Variants in SLC39A14 observed in about 807,000 individuals in gnomAD.
SLC39A14 encodes metal cation symporter ZIP14.
Under a neutral mutation model 45.5 loss-of-function variants are expected in SLC39A14, and 19 were observed. The ratio of observed to expected loss-of-function variants is 0.42; its 90% CI spans 0.29 to 0.61. The LOEUF (loss-of-function observed/expected upper bound fraction) is 0.61, where lower values mean the gene tolerates loss of function less well. SLC39A14 is among the 20% of genes least tolerant of loss of function. SLC39A14 has a pLI of 0.22. For missense variants in SLC39A14, 447 were observed against 616.5 expected (o/e 0.73, Z 2.91); for synonymous variants, 264 against 251.3 (o/e 1.05, Z -0.48).
intron 1 of SLC39A14, among the ~76,000 whole-genome samples, chr8:22,375,482 T>C (rs1833165208): frequency 6.6e-6 from 1 of 151,686 alleles, no homozygotes; most frequent in African/African-American, 2.4e-5. Context: ...TTCTGCCTTA[T>C]GGCTGTATCT....
chr8:22,377,346 T>C (rs1833272148), intron 1 of SLC39A14, among the ~76,000 whole-genome samples: 1 of 152,154 alleles, frequency 6.6e-6, no homozygotes, highest in Admixed American at 6.5e-5. Context: ...GTAACTTCGC[T>C]GCCCCAGCCC....
At position 22,391,634 on chromosome 8, in the gene SLC39A14, G is replaced by T. The variant is rs190513276; in HGVS notation, c.-15-13062G>T. Among the ~76,000 whole-genome samples the T allele has an allele frequency of 1.8e-4, 27 of 151,730 alleles. No individual in the cohort carries two copies. In the East Asian group the frequency reaches 5.0e-3, roughly 28 times the overall value. ...TGCCCAGGGTGGAGTGCAGTGGCGC[G>T]ATCTCGGCTCACTGCAACTTCTGTC... On this transcript the variant is annotated intron_variant, in intron 1 of 8. Transcript: ENST00000381237.
At chr8:22,400,562 ATT>A in intron 1 of SLC39A14, among the ~76,000 whole-genome samples, 1 of 151,908 alleles carries the variant, frequency 6.6e-6, no homozygotes, top group Admixed American at 6.6e-5. Flanking sequence ...AAAATTTAAC[ATT>A]TGTCTCTTGG....
intron 1 of SLC39A14, among the ~76,000 whole-genome samples, chr8:22,394,716 G>A (rs188819976): frequency 6.6e-6 from 1 of 152,186 alleles, no homozygotes; most frequent in Non-Finnish European, 1.5e-5. Context: ...TTCCATTTCT[G>A]TATTAATTAC....
intron 7 of SLC39A14, 151 bp from the exon 8 acceptor site, chr8:22,417,500 T>C (rs761792041): frequency 3.0e-6 from 2 of 663,996 alleles, no homozygotes; most frequent in Admixed American, 5.5e-5. Flanking sequence ...TGACTGGCTC[T>C]CACTTTGTCG....
intron 1 of SLC39A14, among the ~76,000 whole-genome samples, chr8:22,387,877 C>A (rs1296005648): frequency 6.6e-6 from 1 of 152,344 alleles, no homozygotes; most frequent in East Asian, 1.9e-4. Context: ...GTGGGCAGAT[C>A]ACCTGAGGTT....
chr8:22,399,256 G>A (rs776853969), intron 1 of SLC39A14, among the ~76,000 whole-genome samples: 10 of 152,198 alleles, frequency 6.6e-5, no homozygotes, highest in Non-Finnish European at 1.2e-4. Context: ...CCCCGTCCCA[G>A]CGGCGTCAAC....
rs1836140173 is a variant in SLC39A14 at position 22,420,108 on chromosome 8, G to T, written c.*410G>T. 3 of 989,456 alleles carry T rather than the reference G, an allele frequency of 3.0e-6. No homozygotes were observed. The highest frequency in any genetic ancestry group is 1.7e-5 in the African/African-American group (1 of 57,486). The allele number at this position is 989,456 out of a possible 1,614,324, so 61.3% of individuals were successfully genotyped here. A position where few individuals can be genotyped will look rare whatever the true frequency, so the allele number is the denominator to read the frequency against. On this transcript the variant is annotated 3_prime_UTR_variant, in exon 9 of 9. Coordinates refer to ENST00000381237, the MANE Select transcript of SLC39A14 (RefSeq NM_001128431.4). ...AGAAATATCAAGAGTTGAATCCATAGTGTGGGGCCCATGACTCTAGCTGGG... is the reference window on the plus strand; with the variant it reads ...AGAAATATCAAGAGTTGAATCCATATTGTGGGGCCCATGACTCTAGCTGGG...
chr8:22,391,999 G>A (rs1483080147), intron 1 of SLC39A14, among the ~76,000 whole-genome samples: 1 of 152,222 alleles, frequency 6.6e-6, no homozygotes, highest in Middle Eastern at 3.2e-3. Context: ...CAGGCAGGGA[G>A]GAGAGGAGGA....
chr8:22,417,991 G>A (rs887803582), intron 8 of SLC39A14, among the ~76,000 whole-genome samples, 156 bp downstream of exon 8: 3 of 151,698 alleles, frequency 2.0e-5, no homozygotes, highest in African/African-American at 7.3e-5. Flanking sequence ...CAACCTCCGC[G>A]TCCCGGGTTC....
intron 1 of SLC39A14, among the ~76,000 whole-genome samples, chr8:22,371,412 G>GGCTTTTT (rs1832923089): frequency 5.1e-5 from 1 of 19,456 alleles, no homozygotes. Flanking sequence ...AAAAATACAT[G>GGCTTTTT]TCTTTTTTTT....
At chr8:22,380,365 G>A (rs1220558688) in intron 1 of SLC39A14, among the ~76,000 whole-genome samples, 1 of 152,190 alleles carries the variant, frequency 6.6e-6, no homozygotes, top group Non-Finnish European at 1.5e-5. Flanking sequence ...GTCGTACTTA[G>A]AAGGGACAGC....
intron 3 of SLC39A14, among the ~76,000 whole-genome samples, chr8:22,409,441 G>T (rs570693684): frequency 6.6e-6 from 1 of 152,044 alleles, no homozygotes; most frequent in East Asian, 2.0e-4. Flanking sequence ...GAAGTGCGGT[G>T]GTGCAATCTC....
chr8:22,375,575 T>C (rs1833172011), intron 1 of SLC39A14, among the ~76,000 whole-genome samples: 1 of 151,968 alleles, frequency 6.6e-6, no homozygotes, highest in Admixed American at 6.6e-5. Flanking sequence ...AACCTCCGCC[T>C]CCCAGGTTCA....
At chr8:22,417,511 C>T (rs764990418) in intron 7 of SLC39A14, 140 bp from the exon 8 acceptor site, 6 of 709,054 alleles carry the variant, frequency 8.5e-6, no homozygotes, top group Non-Finnish European at 1.4e-5. Flanking sequence ...CACTTTGTCG[C>T]CAGGCTGGAT....
Position 22,404,824 on chromosome 8 carries a change from C to T in SLC39A14, c.114C>T (p.Ile38=). 6.2e-7 allele frequency: 1 copy of T among 1,613,664 alleles called. No homozygotes were observed. Among genetic ancestry groups the T allele is most frequent in the South Asian group, 1.1e-5 (1 of 91,064 alleles). The change falls in exon 2 of 9, where the codon ATC becomes ATT. Residue 38 remains isoleucine, a synonymous_variant. Coordinates refer to ENST00000381237, the MANE Select transcript of SLC39A14 (RefSeq NM_001128431.4). ...CTTCATCCCTGGGTGCACCAGCTAT[C>T]AGCGCTGCCTCCTTCCTGCAGGATC... ...AHASSLGAPA[I]SAASFLQDLI... is the part of the protein sequence containing the mutation.
chr8:22,399,670 C>T (rs1178319183), intron 1 of SLC39A14, among the ~76,000 whole-genome samples: 1 of 152,252 alleles, frequency 6.6e-6, no homozygotes, highest in Non-Finnish European at 1.5e-5. Context: ...CCTGTGGGCT[C>T]ATTCTTCTGA....
At chr8:22,388,818 G>C (rs542420977) in intron 1 of SLC39A14, among the ~76,000 whole-genome samples, 1 of 152,260 alleles carries the variant, frequency 6.6e-6, no homozygotes, top group Admixed American at 6.5e-5. Flanking sequence ...GGAGAATGGA[G>C]GAATTATGAT....
chr8:22,430,242 T>C (rs1316900629), intron 8 of SLC39A14, among the ~76,000 whole-genome samples: 2 of 151,584 alleles, frequency 1.3e-5, no homozygotes, highest in African/African-American at 4.8e-5. Flanking sequence ...GCTAATTTAA[T>C]TTTTTTTTAG....
Sources: gnomAD v4.1 joint callset for allele counts (sites outside exome capture counted in the v4.1 genomes callset) on GRCh38, gnomAD v4.1.1 for gene constraint, MANE v1.5 for transcripts, NCBI Gene and HGNC (gene_info 2026-07-23, HGNC 2026-07-21) for gene names.